SPRYD4: variants seen among roughly 807,000 people sequenced by gnomAD.
SPRYD4 encodes SPRY domain-containing protein 4.
SPRYD4 carries 12 observed loss-of-function variants against 16.6 expected under a neutral mutation model. The ratio of observed to expected loss-of-function variants is 0.72; its 90% CI spans 0.46 to 1.17. SPRYD4 has a LOEUF of 1.17. Ranked by LOEUF, SPRYD4 falls within the 50% of genes most tolerant of loss-of-function variation. The pLI, the probability that SPRYD4 is intolerant of heterozygous loss-of-function variation, is 0.00. For synonymous variants in SPRYD4, 98 were observed against 105.4 expected, an observed-to-expected ratio of 0.93 and a Z score of 0.43; for missense variants, 260 against 260.2, an observed-to-expected ratio of 1.00 and a Z score of 0.00.
Position 56,475,218 on chromosome 12 carries a change from A to G in SPRYD4, c.*5641A>G, listed in dbSNP as rs761930188. The G allele has an allele frequency of 1.2e-6, 2 of 1,601,212 alleles. No individual in the cohort carries two copies. Among genetic ancestry groups the G allele is most frequent in the Non-Finnish European group, 1.7e-6 (2 of 1,179,178 alleles). ...CAGAACTACATCACACCACAAACTA[A>G]ATGAACCCCTTTATAACTTCTCACA... On this transcript the variant is annotated 3_prime_UTR_variant, in exon 2 of 2. Coordinates refer to ENST00000338146, the MANE Select transcript of SPRYD4 (RefSeq NM_207344.4).
chr12:56,479,307 C>T lies in SPRYD4; in HGVS notation c.*9730C>T. On this transcript the variant is annotated 3_prime_UTR_variant, in exon 2 of 2. Coordinates refer to ENST00000338146, the MANE Select transcript of SPRYD4 (RefSeq NM_207344.4). ...AGGTTTGGGATCAACAGCTCTGTTA[C>T]CTTTGGCAAATCAGTTTACCTTTCT... The T allele has an allele frequency of 1.6e-6, 2 of 1,220,252 alleles. No individual in the cohort carries two copies. The highest frequency in any genetic ancestry group is 2.2e-6 in the Non-Finnish European group (2 of 904,332). 75.6% of individuals were successfully genotyped at this position (1,220,252 alleles called of 1,614,324 possible).
chr12:56,478,492 TA>T lies in SPRYD4; in HGVS notation c.*8921del, dbSNP rs1870020730. The T allele has an allele frequency of 3.8e-6, 2 of 527,060 alleles. No homozygotes were observed. The highest frequency in any genetic ancestry group is 3.4e-6 in the Non-Finnish European group (1 of 294,362). 32.6% of individuals were successfully genotyped at this position (527,060 alleles called of 1,614,324 possible). A position where few individuals can be genotyped will look rare whatever the true frequency, so the allele number is the denominator to read the frequency against. ...AGATAGCAGTAAAGCCAATGGAAGT[TA>T]AAAAAGGAGAATTCTGAGGCAACCT... On this transcript the variant is annotated 3_prime_UTR_variant, in exon 2 of 2. Transcript: ENST00000338146.
At position 56,472,072 on chromosome 12, in the gene SPRYD4, A is replaced by G. The variant is rs151170843; in HGVS notation, c.*2495A>G. 148 of 1,587,516 alleles carry G rather than the reference A, an allele frequency of 9.3e-5. 1 individual carries two copies. In the African/African-American group the frequency reaches 9.8e-4, roughly 11 times the overall value. On this transcript the variant is annotated 3_prime_UTR_variant, in exon 2 of 2. Transcript: ENST00000338146. The stretch of plus-strand genomic sequence containing the variant: ...TGAAGGTACTTTTGGTGAAAAAGAA[A>G]GGGTCTTATGATTACCCTCCTCCTC...
Position 56,475,796 on chromosome 12 carries a change from A to G in SPRYD4, c.*6219A>G. On this transcript the variant is annotated 3_prime_UTR_variant, in exon 2 of 2. Coordinates refer to ENST00000338146, the MANE Select transcript of SPRYD4 (RefSeq NM_207344.4). ...TCTTGTCAAGAGGCTTTCCTCTCTG[A>G]GGCCAGCAGATTTCCACATTTCTGG... 4.0e-6 allele frequency: 5 copies of G among 1,248,666 alleles called. No individual in the cohort carries two copies. The highest frequency in any genetic ancestry group is 5.8e-6 in the Non-Finnish European group (5 of 862,014). 77.3% of individuals were successfully genotyped at this position (1,248,666 alleles called of 1,614,324 possible).
Position 56,479,363 on chromosome 12 carries a change from G to C in SPRYD4, c.*9786G>C, listed in dbSNP as rs1870101520. The C allele has an allele frequency of 3.1e-6, 2 of 642,180 alleles. No individual in the cohort carries two copies. Among genetic ancestry groups the C allele is most frequent in the African/African-American group, 3.7e-5 (2 of 54,144 alleles). 39.8% of individuals were successfully genotyped at this position (642,180 alleles called of 1,614,324 possible). A position where few individuals can be genotyped will look rare whatever the true frequency, so the allele number is the denominator to read the frequency against. Reference sequence around the variant, plus strand: ...TTAGTTTCCGTACCTCTAAAATGAGGGGTTTTAATGATGTGGAAAGACACT... The same window carrying C: ...TTAGTTTCCGTACCTCTAAAATGAGCGGTTTTAATGATGTGGAAAGACACT... On this transcript the variant is annotated 3_prime_UTR_variant, in exon 2 of 2. Transcript: ENST00000338146.
chr12:56,473,232 A>C lies in SPRYD4; in HGVS notation c.*3655A>C, dbSNP rs749916138. ...GCCACCTGGAGTTTTCCTTACCCGA[A>C]TTTCTGCCCCTTCACGCCGTGGGTC... On this transcript the variant is annotated 3_prime_UTR_variant, in exon 2 of 2. Transcript: ENST00000338146. The C allele has an allele frequency of 2.8e-5, 45 of 1,613,878 alleles. No individual in the cohort carries two copies. Among genetic ancestry groups the C allele is most frequent in the Non-Finnish European group, 3.3e-5 (39 of 1,179,970 alleles).
Position 56,473,308 on chromosome 12 carries a change from G to C in SPRYD4, c.*3731G>C, listed in dbSNP as rs767181824. ...TTGTCATAGTTGTGGAAATTGAAGA[G>C]AGACACCAACTTCTAGAATTGTAAG... On this transcript the variant is annotated 3_prime_UTR_variant, in exon 2 of 2. Transcript: ENST00000338146. 6.2e-7 allele frequency: 1 copy of C among 1,614,132 alleles called. No individual in the cohort carries two copies. The highest frequency in any genetic ancestry group is 8.5e-7 in the Non-Finnish European group (1 of 1,180,034).
intron 1 of SPRYD4, 104 bp from the exon 2 acceptor site, chr12:56,468,935 C>T (rs1232984373): frequency 7.1e-7 from 1 of 1,400,444 alleles, no homozygotes; most frequent in Non-Finnish European, 9.6e-7. Flanking sequence ...CTGACTCTTC[C>T]CTAGTTGCTC....
Position 56,476,085 on chromosome 12 carries a change from A to C in SPRYD4, c.*6508A>C. ...AGTGTTAGTCTGGTCCTGCTGCTGC[A>C]AATGTGTTCAATTTTATAATGGCCC... is the stretch of plus-strand genomic sequence containing the variant. On this transcript the variant is annotated 3_prime_UTR_variant, in exon 2 of 2. Coordinates refer to ENST00000338146, the MANE Select transcript of SPRYD4 (RefSeq NM_207344.4). 9.7e-7 allele frequency: 1 copy of C among 1,035,722 alleles called. No individual in the cohort carries two copies. Among genetic ancestry groups the C allele is most frequent in the Non-Finnish European group, 1.5e-6 (1 of 682,432 alleles). 64.2% of individuals were successfully genotyped at this position (1,035,722 alleles called of 1,614,324 possible).
rs1869328577 is a variant in SPRYD4, at chr12:56,472,075, G to A, written c.*2498G>A. 5 of 1,594,950 alleles carry A rather than the reference G, an allele frequency of 3.1e-6. No individual in the cohort carries two copies. In the Admixed American group the frequency reaches 5.0e-5, roughly 16 times the overall value. The stretch of plus-strand genomic sequence containing the variant: ...AGGTACTTTTGGTGAAAAAGAAAGG[G>A]TCTTATGATTACCCTCCTCCTCCCC... On this transcript the variant is annotated 3_prime_UTR_variant, in exon 2 of 2. Coordinates refer to ENST00000338146, the MANE Select transcript of SPRYD4 (RefSeq NM_207344.4).
chr12:56,474,523 A>C lies in SPRYD4; in HGVS notation c.*4946A>C, dbSNP rs760363195. 104 of 1,613,166 alleles carry C rather than the reference A, an allele frequency of 6.4e-5. No individual in the cohort carries two copies. The Middle Eastern group carries it at 9.9e-4, about 15-fold the overall frequency. The stretch of plus-strand genomic sequence containing the variant: ...TTAGCACTGGGCTCATGACAGATGG[A>C]TAGCAGAGCCAGAAACTCACGTGGA... On this transcript the variant is annotated 3_prime_UTR_variant, in exon 2 of 2. Coordinates refer to ENST00000338146, the MANE Select transcript of SPRYD4 (RefSeq NM_207344.4).
In SPRYD4 at chr12:56,478,424, A is replaced by C; in HGVS notation, c.*8847A>C. 1 of 661,258 alleles carries C rather than the reference A, an allele frequency of 1.5e-6. No homozygotes were observed. The highest frequency in any genetic ancestry group is 2.6e-6 in the Non-Finnish European group (1 of 380,782). 41.0% of individuals were successfully genotyped at this position (661,258 alleles called of 1,614,324 possible). Reference sequence around the variant, plus strand: ...TTGCTCCCAGAAATGCCCGAGCCTTAAGTCCTAGAAGGCCATATCTTTGTG... The same window carrying C: ...TTGCTCCCAGAAATGCCCGAGCCTTCAGTCCTAGAAGGCCATATCTTTGTG... On this transcript the variant is annotated 3_prime_UTR_variant, in exon 2 of 2. Transcript: ENST00000338146.
In SPRYD4 at chr12:56,476,138, C is replaced by T. The variant is rs1226520016; in HGVS notation, c.*6561C>T. ...TTTTTATCCTTCTGAAAACACCGCA[C>T]TTCCATTGGCTCCTCTCTTTCTCTT... On this transcript the variant is annotated 3_prime_UTR_variant, in exon 2 of 2. Transcript: ENST00000338146. The T allele has an allele frequency of 1.6e-6, 1 of 635,530 alleles. No homozygotes were observed. Among genetic ancestry groups the T allele is most frequent in the East Asian group, 2.8e-5 (1 of 35,754 alleles). 39.4% of individuals were successfully genotyped at this position (635,530 alleles called of 1,614,324 possible).
rs1245101388 is a variant in SPRYD4 at position 56,475,166 on chromosome 12, G to A, written c.*5589G>A. On this transcript the variant is annotated 3_prime_UTR_variant, in exon 2 of 2. Coordinates refer to ENST00000338146, the MANE Select transcript of SPRYD4 (RefSeq NM_207344.4). The stretch of plus-strand genomic sequence containing the variant: ...GTTGGAGGAGTGGGTGTTGGGAGAA[G>A]GGGAAAAATTACCTTCCCTGGAGAG... The A allele has an allele frequency of 6.2e-7, 1 of 1,610,890 alleles. No individual in the cohort carries two copies. Among genetic ancestry groups the A allele is most frequent in the Non-Finnish European group, 8.5e-7 (1 of 1,179,998 alleles).
chr12:56,471,142 C>G lies in SPRYD4; in HGVS notation c.*1565C>G, dbSNP rs1019389703. The G allele has an allele frequency of 5.1e-5, 21 of 415,506 alleles. No individual in the cohort carries two copies. The highest frequency in any genetic ancestry group is 1.7e-4 in the East Asian group (5 of 28,828). The allele number at this position is 415,506 out of a possible 1,614,324, so 25.7% of individuals were successfully genotyped here. A position where few individuals can be genotyped will look rare whatever the true frequency, so the allele number is the denominator to read the frequency against. Reference sequence around the variant, plus strand: ...CATGTGCATGGTAGCTAGAGTCCCTCCACCAGAGTATCTCTCTCATGATGG... The same window carrying G: ...CATGTGCATGGTAGCTAGAGTCCCTGCACCAGAGTATCTCTCTCATGATGG... On this transcript the variant is annotated 3_prime_UTR_variant, in exon 2 of 2. Coordinates refer to ENST00000338146, the MANE Select transcript of SPRYD4 (RefSeq NM_207344.4).
intron 1 of SPRYD4, 123 bp from the exon 2 acceptor site, chr12:56,468,916 C>G (rs754439643): frequency 1.6e-5 from 21 of 1,311,766 alleles, no homozygotes; most frequent in Non-Finnish European, 2.2e-5. Flanking sequence ...CTCTTGCCCG[C>G]TTGGCATTCT....
At position 56,477,907 on chromosome 12, in the gene SPRYD4, ACGGTCTGAGCCTTGGTAGTG is replaced by A; in HGVS notation, c.*8332_*8351del. 1 of 1,603,588 alleles carries A rather than the reference ACGGTCTGAGCCTTGGTAGTG, an allele frequency of 6.2e-7. No homozygotes were observed. The highest frequency in any genetic ancestry group is 8.5e-7 in the Non-Finnish European group (1 of 1,174,338). ...TAAGGAGAAGGGGACAGCTGTAAGT[ACGGTCTGAGCCTTGGTAGTG>A]CTCACCTTCCTCATTGAGGGAGAGC... On this transcript the variant is annotated 3_prime_UTR_variant, in exon 2 of 2. Coordinates refer to ENST00000338146, the MANE Select transcript of SPRYD4 (RefSeq NM_207344.4).
chr12:56,468,934 C>A, intron 1 of SPRYD4, 105 bp from the exon 2 acceptor site: 1 of 1,395,818 alleles, frequency 7.2e-7, no homozygotes, highest in Non-Finnish European at 9.6e-7. Flanking sequence ...TCTGACTCTT[C>A]CCTAGTTGCT....
rs1869707811 is a variant in SPRYD4, at chr12:56,475,301, A to G, written c.*5724A>G. ...AACACTCAGCATAGTTTTGTTATAAAGTAAACCCAAACCAAACACCCCAAA... is the reference window on the plus strand; with the variant it reads ...AACACTCAGCATAGTTTTGTTATAAGGTAAACCCAAACCAAACACCCCAAA... On this transcript the variant is annotated 3_prime_UTR_variant, in exon 2 of 2. Coordinates refer to ENST00000338146, the MANE Select transcript of SPRYD4 (RefSeq NM_207344.4). 7.0e-7 allele frequency: 1 copy of G among 1,428,688 alleles called. No individual in the cohort carries two copies. Among genetic ancestry groups the G allele is most frequent in the Non-Finnish European group, 9.4e-7 (1 of 1,065,744 alleles). The allele number at this position is 1,428,688 out of a possible 1,614,324, so 88.5% of individuals were successfully genotyped here.
Sources: gnomAD v4.1 joint callset for allele counts on GRCh38, gnomAD v4.1.1 for gene constraint, MANE v1.5 for transcripts, NCBI Gene and HGNC (gene_info 2026-07-23, HGNC 2026-07-21) for gene names.